The following EFCAB13 variants were observed in gnomAD, a reference collection of about 807,000 sequenced individuals.
The protein encoded by EFCAB13 is EF-hand calcium-binding domain-containing protein 13.
Under a neutral mutation model 110.2 loss-of-function variants are expected in EFCAB13, and 91 were observed. That is an observed-to-expected ratio of 0.83 (90% CI 0.70 to 0.98). EFCAB13 has a LOEUF of 0.98. EFCAB13 is among the 50% of genes least tolerant of loss of function. The pLI, the probability that EFCAB13 is intolerant of heterozygous loss-of-function variation, is 0.00. For missense variants in EFCAB13, 968 were observed against 1,119.4 expected, an observed-to-expected ratio of 0.86 and a Z score of 1.93; for synonymous variants, 323 against 369.9, an observed-to-expected ratio of 0.87 and a Z score of 1.45.
intron 14 of EFCAB13, among the ~76,000 whole-genome samples, chr17:47,386,025 T>A (rs2143395694): frequency 6.6e-6 from 1 of 152,318 alleles, no homozygotes; most frequent in South Asian, 2.1e-4. Context: ...GGCACCAGGC[T>A]GATGCCAGCC....
chr17:47,361,743 A>C (rs576262666), intron 10 of EFCAB13, among the ~76,000 whole-genome samples: 37 of 152,326 alleles, frequency 2.4e-4, no homozygotes, highest in African/African-American at 7.5e-4. Context: ...ATGTTTGGTT[A>C]AAGAATAAAA....
At chr17:47,409,727 T>C (rs1264985273) in intron 21 of EFCAB13, 36 bp downstream of exon 21, 1 of 1,466,656 alleles carries the variant, frequency 6.8e-7, no homozygotes, top group African/African-American at 1.4e-5. Context: ...AAATTTTCAA[T>C]AATAAGAGAT....
intron 4 of EFCAB13, 64 bp downstream of exon 4, chr17:47,328,447 C>T: frequency 3.1e-6 from 4 of 1,310,406 alleles, no homozygotes; most frequent in Non-Finnish European, 4.2e-6. Context: ...GTTTACATTA[C>T]CTCATATTCA....
chr17:47,436,552 G>A (rs755139627), intron 24 of EFCAB13, among the ~76,000 whole-genome samples: 2 of 151,960 alleles, frequency 1.3e-5, no homozygotes, highest in Non-Finnish European at 2.9e-5. Context: ...TCTGATTTAT[G>A]TGCGCAAGGG....
intron 9 of EFCAB13, among the ~76,000 whole-genome samples, chr17:47,349,930 G>A (rs562650757): frequency 1.1e-3 from 172 of 151,096 alleles, no homozygotes; most frequent in Non-Finnish European, 1.6e-3. Flanking sequence ...GCCCGCCACC[G>A]CGCCTGGCTA....
intron 4 of EFCAB13, among the ~76,000 whole-genome samples, chr17:47,331,805 A>G (rs189914776): frequency 6.6e-6 from 1 of 152,224 alleles, no homozygotes; most frequent in East Asian, 1.9e-4. Context: ...CCAGAATGTC[A>G]TATAGTTGGA....
At chr17:47,386,510 A>G (rs1471434173) in intron 14 of EFCAB13, among the ~76,000 whole-genome samples, 1 of 152,076 alleles carries the variant, frequency 6.6e-6, no homozygotes, top group Non-Finnish European at 1.5e-5. Flanking sequence ...TCCTAGTTTG[A>G]CTTCAGACTG....
intron 8 of EFCAB13, 83 bp downstream of exon 8, chr17:47,345,181 C>T: frequency 2.2e-6 from 2 of 922,854 alleles, no homozygotes; most frequent in South Asian, 3.1e-5. Context: ...AGTGCCTCTT[C>T]ATCTACTCCT....
At chr17:47,394,143 G>C (rs2065724925) in intron 16 of EFCAB13, 44 bp downstream of exon 16, 2 of 1,286,666 alleles carry the variant, frequency 1.6e-6, no homozygotes, top group Admixed American at 2.5e-5. Flanking sequence ...GGACCAAATA[G>C]TTTGACAGAT....
At position 47,395,859 on chromosome 17, in the gene EFCAB13, C is replaced by G; in HGVS notation, c.1827C>G (p.Leu609=). 1.2e-6 allele frequency: 2 copies of G among 1,608,636 alleles called. No homozygotes were observed. Among genetic ancestry groups the G allele is most frequent in the Non-Finnish European group, 1.7e-6 (2 of 1,176,574 alleles). The change falls in exon 17 of 25, where the codon CTC becomes CTG. Residue 609 remains leucine, a synonymous_variant. Transcript: ENST00000331493. ...KLVLPDAIET[L]DDLRKETMSV... ...TATTGCCTGATGCTATTGAAACCCT[C>G]GACGATCTCAGAAAGGAGACGATGA... is the stretch of plus-strand genomic sequence containing the variant.
intron 4 of EFCAB13, among the ~76,000 whole-genome samples, chr17:47,334,375 T>C (rs2065337169): frequency 6.6e-6 from 1 of 152,242 alleles, no homozygotes; most frequent in Admixed American, 6.5e-5. Flanking sequence ...AAAATATGTC[T>C]TTTGAAAACA....
intron 3 of EFCAB13, among the ~76,000 whole-genome samples, chr17:47,327,177 TTTTG>T (rs1220901576): frequency 4.2e-4 from 64 of 152,206 alleles, no homozygotes; most frequent in African/African-American, 1.5e-3. Flanking sequence ...TTTTCTTTTG[TTTTG>T]TTTTTTTTGA....
At chr17:47,413,461 C>G (rs1904324150) in intron 22 of EFCAB13, among the ~76,000 whole-genome samples, 1 of 152,160 alleles carries the variant, frequency 6.6e-6, no homozygotes, top group Non-Finnish European at 1.5e-5. Context: ...GAGAGTACTT[C>G]TAGAAGCTGC....
chr17:47,396,726 T>A (rs186546336), intron 17 of EFCAB13, among the ~76,000 whole-genome samples: 6 of 152,308 alleles, frequency 3.9e-5, no homozygotes, highest in Non-Finnish European at 8.8e-5. Flanking sequence ...TTATTATCCT[T>A]TTCATCCATT....
At chr17:47,387,311 T>C (rs55873123) in intron 14 of EFCAB13, among the ~76,000 whole-genome samples, 13,357 of 152,228 alleles carry the variant, frequency 0.088, 848 homozygotes, top group East Asian at 0.35. Flanking sequence ...GTTCTGCAAA[T>C]GTCAGGTTCA....
intron 23 of EFCAB13, among the ~76,000 whole-genome samples, chr17:47,424,601 T>A (rs3826536): frequency 0.63 from 95,908 of 151,728 alleles, 30,751 homozygotes; most frequent in African/African-American, 0.71. Context: ...CACGGAGGGC[T>A]TCTCATTGGG....
At chr17:47,379,310 A>C in intron 14 of EFCAB13, 57 bp downstream of exon 14, 1 of 1,376,222 alleles carries the variant, frequency 7.3e-7, no homozygotes, top group Non-Finnish European at 1.0e-6. Context: ...TGTTGAGAAG[A>C]ATTAGGTTCA....
chr17:47,414,705 T>C (rs1012352694), intron 22 of EFCAB13, 143 bp from the exon 23 acceptor site: 5 of 646,806 alleles, frequency 7.7e-6, no homozygotes, highest in East Asian at 2.9e-5. Context: ...TGTTAAAAGT[T>C]CTATTGAAAT....
rs1224958422 is a variant in EFCAB13 at position 47,398,237 on chromosome 17, T to TG, written c.1945+2267dup. On this transcript the variant is annotated intron_variant, in intron 17 of 24. Coordinates refer to ENST00000331493, the MANE Select transcript of EFCAB13 (RefSeq NM_152347.5). The stretch of plus-strand genomic sequence containing the variant: ...CCAGCCGCCCCGTCCGGGAGGGAGG[T>TG]GGGGGGGTCAGCCCCCCGCCCGGCC... Among the ~76,000 whole-genome samples the TG allele has an allele frequency of 3.1e-4, 34 of 109,828 alleles. 1 individual carries two copies. The highest frequency in any genetic ancestry group is 1.1e-3 in the African/African-American group (30 of 27,846). 72.1% of individuals were successfully genotyped at this position (109,828 alleles called of 152,430 possible).
Sources: gnomAD v4.1 joint callset for allele counts (sites outside exome capture counted in the v4.1 genomes callset) on GRCh38, gnomAD v4.1.1 for gene constraint, MANE v1.5 for transcripts, NCBI Gene and HGNC (gene_info 2026-07-23, HGNC 2026-07-21) for gene names.